NPAS3: variants seen among roughly 807,000 people sequenced by gnomAD.
The protein encoded by NPAS3 is neuronal PAS domain-containing protein 3.
In NPAS3, 14 loss-of-function variants were observed where a neutral mutation model predicts 73.1. The ratio of observed to expected loss-of-function variants is 0.19; its 90% CI spans 0.13 to 0.30. NPAS3 has a LOEUF of 0.30. Among genes scored for constraint, NPAS3 ranks in the 10% least tolerant of loss-of-function variants. The pLI, the probability that NPAS3 is intolerant of heterozygous loss-of-function variation, is 1.00. For missense variants in NPAS3, 1,096 were observed against 1,250.0 expected, an observed-to-expected ratio of 0.88 and a Z score of 1.86; for synonymous variants, 620 against 541.5, an observed-to-expected ratio of 1.14 and a Z score of -2.01.
At chr14:32,960,434 T>C (rs2036862395) in intron 1 of NPAS3, among the ~76,000 whole-genome samples, 1 of 152,174 alleles carries the variant, frequency 6.6e-6, no homozygotes, top group African/African-American at 2.4e-5. Flanking sequence ...TAAAAAGACA[T>C]ACCTCTTCCA....
chr14:33,134,449 T>C (rs1287249145), intron 2 of NPAS3, among the ~76,000 whole-genome samples: 1 of 152,164 alleles, frequency 6.6e-6, no homozygotes, highest in African/African-American at 2.4e-5. Flanking sequence ...AAGCACAGTT[T>C]TGTAGGCAAA....
intron 2 of NPAS3, among the ~76,000 whole-genome samples, chr14:33,062,001 A>G (rs1959181): frequency 0.39 from 59,104 of 151,952 alleles, 11,896 homozygotes; most frequent in African/African-American, 0.5. Context: ...ATTGCAAAGG[A>G]CACAGGCAGA....
intron 1 of NPAS3, among the ~76,000 whole-genome samples, chr14:33,048,620 C>A (rs1325316901): frequency 6.6e-6 from 1 of 152,230 alleles, no homozygotes; most frequent in Non-Finnish European, 1.5e-5. Context: ...GTAGAACTTG[C>A]ATTTTAATGT....
intron 5 of NPAS3, among the ~76,000 whole-genome samples, chr14:33,638,629 G>A (rs917646446): frequency 1.3e-5 from 2 of 152,238 alleles, no homozygotes; most frequent in African/African-American, 4.8e-5. Context: ...TTAATTGCAA[G>A]TGAGAACTTT....
intron 1 of NPAS3, among the ~76,000 whole-genome samples, chr14:32,954,039 A>G (rs1429249776): frequency 6.6e-6 from 1 of 152,208 alleles, no homozygotes; most frequent in African/African-American, 2.4e-5. Flanking sequence ...TTATTATAGA[A>G]GGATGAGAGG....
At chr14:33,311,278 G>T (rs983883036) in intron 3 of NPAS3, among the ~76,000 whole-genome samples, 1 of 152,052 alleles carries the variant, frequency 6.6e-6, no homozygotes, top group Non-Finnish European at 1.5e-5. Context: ...TATGAACAGT[G>T]CAGTGAGCAC....
At chr14:33,674,222 TCC>T (rs1205023020) in intron 5 of NPAS3, among the ~76,000 whole-genome samples, 1 of 151,896 alleles carries the variant, frequency 6.6e-6, no homozygotes, top group Non-Finnish European at 1.5e-5. Context: ...AATAACCAGC[TCC>T]CCTAAAAAAA....
intron 2 of NPAS3, among the ~76,000 whole-genome samples, chr14:33,192,679 A>G (rs1249561089): frequency 6.6e-6 from 1 of 152,228 alleles, no homozygotes; most frequent in African/African-American, 2.4e-5. Flanking sequence ...GAGTACAGAA[A>G]TGATTCTGGT....
intron 3 of NPAS3, among the ~76,000 whole-genome samples, chr14:33,341,275 G>T (rs912471539): frequency 3.3e-5 from 5 of 152,108 alleles, no homozygotes; most frequent in Non-Finnish European, 7.4e-5. Flanking sequence ...TGAGTTTTGG[G>T]TGTTTATAAC....
intron 3 of NPAS3, among the ~76,000 whole-genome samples, chr14:33,358,800 G>A (rs1307567483): frequency 3.9e-5 from 6 of 152,140 alleles, no homozygotes; most frequent in South Asian, 4.1e-4. Context: ...TTCTGCCAAC[G>A]TATCTATAAG....
chr14:33,577,981 T>A (rs757576405), intron 5 of NPAS3, among the ~76,000 whole-genome samples: 1 of 152,332 alleles, frequency 6.6e-6, no homozygotes, highest in East Asian at 1.9e-4. Context: ...TCTGATGCAG[T>A]GTCTCTCGGC....
At chr14:32,963,297 AG>A (rs1245630860) in intron 1 of NPAS3, among the ~76,000 whole-genome samples, 3 of 152,210 alleles carry the variant, frequency 2.0e-5, no homozygotes, top group Non-Finnish European at 4.4e-5. Context: ...TGATAAGAGG[AG>A]CTTTGCCAAG....
chr14:33,539,137 C>T (rs1418729707), intron 4 of NPAS3, among the ~76,000 whole-genome samples: 1 of 151,930 alleles, frequency 6.6e-6, no homozygotes, highest in Non-Finnish European at 1.5e-5. Flanking sequence ...GGGAAGGAAA[C>T]GTTTCCTGTC....
intron 2 of NPAS3, among the ~76,000 whole-genome samples, chr14:33,194,417 A>G (rs565636003): frequency 6.6e-6 from 1 of 152,282 alleles, no homozygotes; most frequent in Admixed American, 6.5e-5. Flanking sequence ...CTAACAAATC[A>G]AGACCATAAG....
chr14:33,145,767 T>G (rs1340913524), intron 2 of NPAS3, among the ~76,000 whole-genome samples: 2 of 152,204 alleles, frequency 1.3e-5, no homozygotes, highest in African/African-American at 4.8e-5. Context: ...ATTCACTCAG[T>G]TCTTTGTCTT....
chr14:33,631,659 G>A (rs968401312), intron 5 of NPAS3, among the ~76,000 whole-genome samples: 2 of 152,142 alleles, frequency 1.3e-5, no homozygotes, highest in South Asian at 4.1e-4. Context: ...GCGGTGCATC[G>A]ATCTGTATCT....
chr14:33,195,519 G>A (rs2046321633), intron 2 of NPAS3, among the ~76,000 whole-genome samples: 1 of 151,992 alleles, frequency 6.6e-6, no homozygotes, highest in African/African-American at 2.4e-5. Flanking sequence ...CACCCGCTTC[G>A]GCCTCCCAAA....
intron 11 of NPAS3, among the ~76,000 whole-genome samples, 191 bp from the exon 12 acceptor site, chr14:33,799,543 G>GCC (rs1218268351): frequency 6.6e-6 from 1 of 152,164 alleles, no homozygotes; most frequent in Non-Finnish European, 1.5e-5. Flanking sequence ...GCTAACCCAG[G>GCC]CCCTCAGCAG....
intron 2 of NPAS3, among the ~76,000 whole-genome samples, chr14:33,069,474 G>C (rs2041405865): frequency 6.6e-6 from 1 of 152,172 alleles, no homozygotes; most frequent in Admixed American, 6.5e-5. Context: ...GAATGCAATA[G>C]GAGAATGTCA....
Sources: gnomAD v4.1 joint callset for allele counts (sites outside exome capture counted in the v4.1 genomes callset) on GRCh38, gnomAD v4.1.1 for gene constraint, MANE v1.5 for transcripts, NCBI Gene and HGNC (gene_info 2026-07-23, HGNC 2026-07-21) for gene names.